The following PTPRN2 variants were observed in gnomAD, a reference collection of about 807,000 sequenced individuals.
PTPRN2 encodes the protein protein tyrosine phosphatase receptor type N2, also known as receptor-type tyrosine-protein phosphatase N2.
A neutral mutation model predicts 118.8 loss-of-function variants in PTPRN2; 74 were observed. That is an observed-to-expected ratio of 0.62 (90% CI 0.52 to 0.76). The LOEUF is 0.76. PTPRN2 is among the 30% of genes least tolerant of loss of function. The pLI is 0.00. For synonymous variants in PTPRN2, 641 were observed against 608.0 expected (o/e 1.05, Z -0.80); for missense variants, 1,481 against 1,394.4 (o/e 1.06, Z -0.99).
intron 12 of PTPRN2, chr7:157,857,718 C>A (rs576793296): frequency 1.3e-5 from 2 of 152,294 alleles, no homozygotes; most frequent in East Asian, 3.9e-4. Context: ...TGACGCGCCA[C>A]GTGTCCGTCC....
intron 2 of PTPRN2, among the ~76,000 whole-genome samples, chr7:158,440,297 C>T (rs1051418429): frequency 1.1e-4 from 16 of 152,344 alleles, no homozygotes; most frequent in Middle Eastern, 3.4e-3. Context: ...CCGTTCCATT[C>T]GGGCTTCAAA....
Position 157,603,839 on chromosome 7 carries a change from CAG to C in PTPRN2, c.2418+161_2418+162del, listed in dbSNP as rs1388571068. On this transcript the variant is annotated intron_variant, in intron 16 of 22. Coordinates refer to ENST00000389418, the MANE Select transcript of PTPRN2 (RefSeq NM_002847.5). The surrounding 1 kb of genome is among the most constrained non-coding windows in gnomAD (Gnocchi z 5.4). ...ATAAACAGCCCCGCTGGTGAAGGAA[CAG>C]GGGAGTGGCGGGAGCCCAATGGGCA... Among the ~76,000 whole-genome samples the C allele has an allele frequency of 3.9e-5, 6 of 152,290 alleles. No homozygotes were observed. In the South Asian group the frequency reaches 6.2e-4, roughly 16 times the overall value.
At chr7:157,750,216 T>C (rs1186586030) in intron 12 of PTPRN2, among the ~76,000 whole-genome samples, 1 of 152,190 alleles carries the variant, frequency 6.6e-6, no homozygotes, top group Admixed American at 6.5e-5. Flanking sequence ...TTTTAGAGAA[T>C]GCTCGATTTA....
chr7:158,231,469 A>G (rs557713332), intron 3 of PTPRN2, among the ~76,000 whole-genome samples: 7 of 152,358 alleles, frequency 4.6e-5, no homozygotes, highest in African/African-American at 1.7e-4. Flanking sequence ...ACTGAAGTAT[A>G]TAAAACAGAC....
chr7:158,414,798 GAGCATCTCCATCCAGCC>G (rs2129418047), intron 2 of PTPRN2, among the ~76,000 whole-genome samples: 1 of 152,350 alleles, frequency 6.6e-6, no homozygotes, highest in South Asian at 2.1e-4. Context: ...GAAGCTTCCG[GAGCATCTCCATCCAGCC>G]AGCTCCCTCA....
intron 12 of PTPRN2, among the ~76,000 whole-genome samples, chr7:157,812,541 T>G (rs1375409790): frequency 5.3e-5 from 8 of 152,164 alleles, no homozygotes; most frequent in Non-Finnish European, 8.8e-5. Context: ...ATTGAAATTA[T>G]TTGGAGTTTT....
intron 12 of PTPRN2, among the ~76,000 whole-genome samples, chr7:157,804,196 C>T (rs945304061): frequency 3.9e-5 from 6 of 152,194 alleles, no homozygotes; most frequent in African/African-American, 1.4e-4. Context: ...TTACCCAATG[C>T]CCCCGCGAAG....
intron 11 of PTPRN2, among the ~76,000 whole-genome samples, chr7:157,914,506 T>C (rs903272551): frequency 7.9e-5 from 12 of 152,176 alleles, no homozygotes; most frequent in Non-Finnish European, 1.0e-4. Context: ...TCATGGATCA[T>C]GTGTAAGATG....
intron 11 of PTPRN2, among the ~76,000 whole-genome samples, chr7:157,901,845 T>A (rs1247396223): frequency 7.6e-6 from 1 of 132,078 alleles, no homozygotes; most frequent in Admixed American, 7.6e-5. Context: ...GGTTCTGAAG[T>A]GGGACCTTCC....
chr7:157,675,189 C>T (rs547654971), intron 13 of PTPRN2, among the ~76,000 whole-genome samples: 5 of 152,286 alleles, frequency 3.3e-5, no homozygotes, highest in South Asian at 4.1e-4. Context: ...CACAGCGGCT[C>T]GCGTCCTTCG....
intron 11 of PTPRN2, among the ~76,000 whole-genome samples, chr7:157,900,765 G>GGT (rs929734398): frequency 2.0e-5 from 3 of 152,140 alleles, no homozygotes; most frequent in Admixed American, 1.3e-4. Context: ...CACAGTTCAT[G>GGT]GTGTGCAGGC....
chr7:157,877,967 G>C (rs150532302), intron 12 of PTPRN2, among the ~76,000 whole-genome samples: 1 of 152,304 alleles, frequency 6.6e-6, no homozygotes, highest in South Asian at 2.1e-4. Flanking sequence ...AATTAACAGC[G>C]CCCCAAGGAA....
chr7:157,656,393 C>T lies in PTPRN2; in HGVS notation c.2160G>A (p.Gln720=), dbSNP rs1366911872. The T allele has an allele frequency of 6.4e-7, 1 of 1,552,628 alleles. No individual in the cohort carries two copies. Among genetic ancestry groups the T allele is most frequent in the African/African-American group, 1.4e-5 (1 of 73,252 alleles). ...SASSWSEEPV[Q]SNMDISTGHM... Reference sequence around the variant, plus strand: ...GGCCGGTGGAGATGTCCATGTTGGACTGCACAGGCTCCTCGGACCAGGATG... The same window carrying T: ...GGCCGGTGGAGATGTCCATGTTGGATTGCACAGGCTCCTCGGACCAGGATG... Residue 720 remains glutamine, a synonymous_variant, in exon 14 of 23, where the codon CAG becomes CAA. Coordinates refer to ENST00000389418, the MANE Select transcript of PTPRN2 (RefSeq NM_002847.5).
At chr7:157,781,782 A>T (rs1032348268) in intron 12 of PTPRN2, among the ~76,000 whole-genome samples, 1 of 152,120 alleles carries the variant, frequency 6.6e-6, no homozygotes, top group East Asian at 1.9e-4. Context: ...TTCAGCCTCA[A>T]TACCCTGCCC....
chr7:157,656,135 C>A (rs1051208847), intron 14 of PTPRN2, among the ~76,000 whole-genome samples: 1 of 100,102 alleles, frequency 1.0e-5, no homozygotes, highest in Non-Finnish European at 2.4e-5. Flanking sequence ...ACGTTCCAGG[C>A]AGAAGCACGG....
In PTPRN2 at chr7:157,621,522, C is replaced by T. The variant is rs371357084; in HGVS notation, c.2197-13G>A. ...CCTCCATGTAGGACTGAAAGGGAAA[C>T]ACAGGGTCAGGAGCGCACCTAGGTG... is the stretch of plus-strand genomic sequence containing the variant. On this transcript the variant is annotated splice_polypyrimidine_tract_variant and intron_variant, in intron 14 of 22. Transcript: ENST00000389418. 1,369 of 1,611,298 alleles carry T rather than the reference C, an allele frequency of 8.5e-4. 1 individual carries two copies. The highest frequency in any genetic ancestry group is 1.2e-3 in the South Asian group (109 of 91,078).
intron 11 of PTPRN2, among the ~76,000 whole-genome samples, chr7:158,001,217 G>T (rs1206920361): frequency 3.3e-5 from 5 of 151,078 alleles, no homozygotes; most frequent in Admixed American, 3.3e-4. Flanking sequence ...CGGGGTGAAG[G>T]GTGGGGGCTG....
chr7:158,457,886 TTCATTATTTACACCCTGAGTGTTC>T (rs1818655517), intron 2 of PTPRN2, among the ~76,000 whole-genome samples: 1 of 152,186 alleles, frequency 6.6e-6, no homozygotes, highest in East Asian at 1.9e-4. Flanking sequence ...TCCTTCCAAG[TTCATTATTTACACCCTGAGTGTTC>T]TCAGCAGGGC....
intron 12 of PTPRN2, among the ~76,000 whole-genome samples, chr7:157,818,074 G>A (rs553270927): frequency 6.8e-6 from 1 of 147,932 alleles, no homozygotes; most frequent in Non-Finnish European, 1.5e-5. Flanking sequence ...TGGTGTGTGT[G>A]GTGTGTGCAT....
Sources: gnomAD v4.1 joint callset for allele counts (sites outside exome capture counted in the v4.1 genomes callset) on GRCh38, gnomAD v4.1.1 for gene constraint, Gnocchi (gnomAD v3.1) non-coding constraint, MANE v1.5 for transcripts, NCBI Gene and HGNC (gene_info 2026-07-23, HGNC 2026-07-21) for gene names.